ZMYM2: variants seen among roughly 807,000 people sequenced by gnomAD.
ZMYM2 encodes the protein zinc finger MYM-type protein 2.
Under a neutral mutation model 162.8 loss-of-function variants are expected in ZMYM2, and 56 were observed. The ratio of observed to expected loss-of-function variants is 0.34; its 90% CI spans 0.28 to 0.43. ZMYM2 has a LOEUF of 0.43. Ranked by LOEUF, ZMYM2 falls within the 20% of genes least tolerant of loss-of-function variation. The pLI, the probability that ZMYM2 is intolerant of heterozygous loss-of-function variation, is 1.00. For missense variants in ZMYM2, 1,275 were observed against 1,621.8 expected (o/e 0.79, Z 3.67); for synonymous variants, 510 against 541.6 (o/e 0.94, Z 0.81).
the ZMYM2 span, among the ~76,000 whole-genome samples, chr13:19,931,991 C>G: frequency 1.3e-5 from 2 of 152,084 alleles, no homozygotes; most frequent in Admixed American, 6.6e-5. Flanking sequence ...TAAAAGTTAT[C>G]CTTTATTGTT....
chr13:19,945,951 G>GAAAAAAAAAAAAA, the ZMYM2 span, among the ~76,000 whole-genome samples: 1 of 89,572 alleles, frequency 1.1e-5, no homozygotes, highest in Non-Finnish European at 2.0e-5. Flanking sequence ...CTCCGTCTCA[G>GAAAAAAAAAAAAA]AAAAAAAAAA....
At chr13:19,974,514 T>G (rs1956613177) in intron 2 of ZMYM2, among the ~76,000 whole-genome samples, 1 of 151,926 alleles carries the variant, frequency 6.6e-6, no homozygotes, top group South Asian at 2.1e-4. Context: ...CTTGCTCTGT[T>G]GCCCAGGCTG....
chr13:19,986,151 C>T (rs1019693259), intron 2 of ZMYM2, among the ~76,000 whole-genome samples: 7 of 151,916 alleles, frequency 4.6e-5, no homozygotes, highest in East Asian at 1.9e-4. Context: ...GAGCCTAGAT[C>T]GCACCACTGC....
chr13:20,068,158 G>A (rs1956819581), intron 21 of ZMYM2: 1 of 180,864 alleles, frequency 5.5e-6, no homozygotes, highest in East Asian at 9.1e-5. Context: ...CTGTATTCAA[G>A]GACCATCATA....
chr13:20,024,561 C>T (rs1207772833), intron 7 of ZMYM2: 2 of 222,908 alleles, frequency 9.0e-6, no homozygotes, highest in East Asian at 1.3e-4. Flanking sequence ...GCAGTTGTCC[C>T]GAATATTTTA....
Position 20,029,622 on chromosome 13 carries a change from C to T in ZMYM2, c.1852-1697C>T, listed in dbSNP as rs58008536. The stretch of plus-strand genomic sequence containing the variant: ...TAAAAATGGTAGTTTTTTCTCCTTC[C>T]GCTGTACATTGAATGGCTAATTTTT... On this transcript the variant is annotated intron_variant, in intron 9 of 24. Coordinates refer to ENST00000610343, the MANE Select transcript of ZMYM2 (RefSeq NM_197968.4). Among the ~76,000 whole-genome samples, 978 of 151,978 alleles carry T rather than the reference C, an allele frequency of 6.4e-3. 18 individuals are homozygous for T. Among genetic ancestry groups the T allele is most frequent in the African/African-American group, 0.022 (909 of 41,462 alleles).
Position 19,964,985 on chromosome 13 carries a change from A to C in ZMYM2, c.-11+4959A>C, listed in dbSNP as rs1195546805. On this transcript the variant is annotated intron_variant, in intron 2 of 24. Transcript: ENST00000610343. ...ACCATGCATTTAGGTTGGATAAGAAAAATACTTAAGTTAGTGGGTGCAGCG... is the reference window on the plus strand; with the variant it reads ...ACCATGCATTTAGGTTGGATAAGAACAATACTTAAGTTAGTGGGTGCAGCG... Among the ~76,000 whole-genome samples, 3 of 152,314 alleles carry C rather than the reference A, an allele frequency of 2.0e-5. No individual in the cohort carries two copies. The East Asian group carries it at 5.8e-4, about 29-fold the overall frequency.
chr13:19,956,432 GTTATGAACA>G, upstream of ZMYM2, among the ~76,000 whole-genome samples: 1 of 152,294 alleles, frequency 6.6e-6, no homozygotes, highest in South Asian at 2.1e-4. Context: ...GAATAATGCT[GTTATGAACA>G]TTCAAACATT....
chr13:20,051,253 G>GCA (rs369364385), intron 12 of ZMYM2, among the ~76,000 whole-genome samples, 180 bp from the exon 13 acceptor site: 14,159 of 74,142 alleles, frequency 0.19, 2,105 homozygotes, highest in African/African-American at 0.47. Flanking sequence ...CTGTGAAATT[G>GCA]TATTTTTTTT....
rs35672590 is a variant in ZMYM2 at position 19,977,496 on chromosome 13, CT to C, written c.-10-15553del. On this transcript the variant is annotated intron_variant, in intron 2 of 24. Coordinates refer to ENST00000610343, the MANE Select transcript of ZMYM2 (RefSeq NM_197968.4). Reference sequence around the variant, plus strand: ...GTCTTATGTTTTTTCCTTTCCATTTCTTTTTTTTTTTTTTGAGACGGAGTCT... The same window carrying C: ...GTCTTATGTTTTTTCCTTTCCATTTCTTTTTTTTTTTTTGAGACGGAGTCT... Among the ~76,000 whole-genome samples, 1,021 of 141,336 alleles carry C rather than the reference CT, an allele frequency of 7.2e-3. 16 individuals are homozygous for C. Among genetic ancestry groups the C allele is most frequent in the African/African-American group, 0.022 (830 of 38,194 alleles). The allele number at this position is 141,336 out of a possible 152,430, so 92.7% of individuals were successfully genotyped here.
At chr13:20,002,785 T>C (rs1420642060) in intron 3 of ZMYM2, 65 bp from the exon 4 acceptor site, 5 of 1,536,750 alleles carry the variant, frequency 3.3e-6, no homozygotes, top group Non-Finnish European at 4.4e-6. Context: ...TTCTCTGATA[T>C]AAATTTTAAT....
At chr13:19,973,745 A>T (rs1231313081) in intron 2 of ZMYM2, among the ~76,000 whole-genome samples, 1 of 151,936 alleles carries the variant, frequency 6.6e-6, no homozygotes, top group Non-Finnish European at 1.5e-5. Flanking sequence ...CCATAGGGCA[A>T]GCTTGTCCAA....
In ZMYM2 at chr13:20,036,299, G is replaced by C. The variant is rs567885443; in HGVS notation, c.2120-438G>C. On this transcript the variant is annotated intron_variant, in intron 11 of 24. Transcript: ENST00000610343. Reference sequence around the variant, plus strand: ...TTTTCTGAAGGTCCATGTAAGAGAGGTAAGCTTGAAAAATTAGCTAAAATG... The same window carrying C: ...TTTTCTGAAGGTCCATGTAAGAGAGCTAAGCTTGAAAAATTAGCTAAAATG... Among the ~76,000 whole-genome samples, 3 of 152,166 alleles carry C rather than the reference G, an allele frequency of 2.0e-5. No individual in the cohort carries two copies. The South Asian group carries it at 6.2e-4, about 32-fold the overall frequency.
the ZMYM2 span, among the ~76,000 whole-genome samples, chr13:19,918,492 T>C: frequency 7.1e-6 from 1 of 141,406 alleles, no homozygotes; most frequent in South Asian, 2.3e-4. Flanking sequence ...TTTTTCTTTC[T>C]TTCTTTTTTT....
chr13:19,936,070 T>C, the ZMYM2 span, among the ~76,000 whole-genome samples: 1 of 152,196 alleles, frequency 6.6e-6, no homozygotes, highest in Non-Finnish European at 1.5e-5. Context: ...CTAGCAACAA[T>C]AAAGGTTTTG....
chr13:19,877,211 C>CG, the ZMYM2 span, among the ~76,000 whole-genome samples: 792 of 126,520 alleles, frequency 6.3e-3, 10 homozygotes, highest in African/African-American at 0.023. Flanking sequence ...GACTCCGTCT[C>CG]AAAAAAAAAA....
chr13:20,019,282 GATCTAAGT>G (rs1951876329), intron 6 of ZMYM2, among the ~76,000 whole-genome samples: 1 of 152,100 alleles, frequency 6.6e-6, no homozygotes, highest in Admixed American at 6.5e-5. Context: ...AGGTGAGTCA[GATCTAAGT>G]ATCTATCTTT....
chr13:19,928,966 C>T, the ZMYM2 span, among the ~76,000 whole-genome samples: 1 of 152,010 alleles, frequency 6.6e-6, no homozygotes, highest in African/African-American at 2.4e-5. Context: ...TTAATCTGGG[C>T]AATTTATAGC....
chr13:19,883,147 T>C, the ZMYM2 span, among the ~76,000 whole-genome samples: 5 of 152,264 alleles, frequency 3.3e-5, no homozygotes, highest in Non-Finnish European at 7.4e-5. Flanking sequence ...CCAGACACAA[T>C]AGATCTTATA....
Sources: allele counts gnomAD v4.1 joint callset (sites outside exome capture counted in the v4.1 genomes callset), GRCh38; gene constraint gnomAD v4.1.1; transcripts MANE v1.5; gene names NCBI Gene and HGNC (gene_info 2026-07-23, HGNC 2026-07-21).